COQ6: variants seen among roughly 807,000 people sequenced by gnomAD.
The protein encoded by COQ6 is ubiquinone biosynthesis monooxygenase COQ6, mitochondrial.
In COQ6, 45 loss-of-function variants were observed where a neutral mutation model predicts 55.5. The observed-to-expected ratio is 0.81, with a 90% CI of 0.64 to 1.04. COQ6 has a LOEUF of 1.04. Among genes scored for constraint, COQ6 ranks in the 50% least tolerant of loss-of-function variants. The pLI, the probability that COQ6 is intolerant of heterozygous loss-of-function variation, is 0.00. For synonymous variants in COQ6, 206 were observed against 230.5 expected (o/e 0.89, Z 0.96); for missense variants, 550 against 601.3 (o/e 0.91, Z 0.89).
chr14:73,950,100 GC>G, upstream of COQ6: 1 of 1,603,772 alleles, frequency 6.2e-7, no homozygotes, highest in Non-Finnish European at 8.5e-7. Flanking sequence ...GCTATGCGGG[GC>G]CAGGGTCCAC....
intron 1 of COQ6, 68 bp downstream of exon 1, chr14:73,950,563 G>C (rs1037963843): frequency 6.5e-7 from 1 of 1,527,596 alleles, no homozygotes; most frequent in African/African-American, 1.4e-5. Flanking sequence ...AGCCGTGAGA[G>C]CCCTAGCACG....
At position 73,961,210 on chromosome 14, in the gene COQ6, C is replaced by T. The variant is rs993695953; in HGVS notation, c.929C>T (p.Ala310Val). ...GACCACACGGACTTCATCGACACAG[C>T]TGGTGCCATGCTGCAGTATGCTGTC... ...DADHTDFIDT[A>V]GAMLQYAVSL... Residue 310 changes from alanine to valine, a missense_variant, in exon 9 of 12, where the codon GCT becomes GTT. By Grantham distance (64) the Ala-to-Val change is moderately conservative. Transcript: ENST00000334571. 6.2e-7 allele frequency: 1 copy of T among 1,614,032 alleles called. No individual in the cohort carries two copies. The highest frequency in any genetic ancestry group is 8.5e-7 in the Non-Finnish European group (1 of 1,179,976).
At position 73,960,080 on chromosome 14, in the gene COQ6, T is replaced by C. The variant is rs1031665687; in HGVS notation, c.891+558T>C. The C allele has an allele frequency of 6.0e-6, 6 of 1,002,078 alleles. No individual in the cohort carries two copies. In the African/African-American group the frequency reaches 8.7e-5, roughly 15 times the overall value. The allele number at this position is 1,002,078 out of a possible 1,614,324, so 62.1% of individuals were successfully genotyped here. A position where few individuals can be genotyped will look rare whatever the true frequency, so the allele number is the denominator to read the frequency against. On this transcript the variant is annotated intron_variant, in intron 8 of 11. Coordinates refer to ENST00000334571, the MANE Select transcript of COQ6 (RefSeq NM_182476.3). ...TGGGTGGTGGTTAGCATTGGCCTTT[T>C]TTTGAAGCTGTAACACTTGGATTAT...
At chr14:73,950,045 GCAGCGACAGTGA>G, upstream of COQ6, 3 of 1,610,826 alleles carry the variant, frequency 1.9e-6, no homozygotes, top group East Asian at 2.2e-5. Context: ...GACAGAGGCA[GCAGCGACAGTGA>G]CAGCGATAGT....
intron 1 of COQ6, among the ~76,000 whole-genome samples, chr14:73,951,933 G>A (rs1168812433): frequency 3.8e-5 from 5 of 132,486 alleles, no homozygotes; most frequent in African/African-American, 1.1e-4. Context: ...AGCTGAGATC[G>A]CGCCACTGCA....
At chr14:73,959,735 A>G in intron 8 of COQ6, 1 of 1,158,272 alleles carries the variant, frequency 8.6e-7, no homozygotes, top group Non-Finnish European at 1.2e-6. Flanking sequence ...ATGCCCAGCT[A>G]ATTTTTCTAT....
At chr14:73,949,946 CG>C (rs761431020), upstream of COQ6, 281 of 1,612,160 alleles carry the variant, frequency 1.7e-4, no homozygotes, top group Non-Finnish European at 2.3e-4. Flanking sequence ...ATTCCTTTCC[CG>C]GGGGCAGTCT....
Position 73,959,148 on chromosome 14 carries a change from CCT to C in COQ6, c.721-9_721-8del. ...AGGTACTTCACAGAGAAACTTTTCT[CCT>C]CTCTGTTGCAGGCCACAGAAAACAA... On this transcript the variant is annotated splice_polypyrimidine_tract_variant and intron_variant, in intron 6 of 11. Transcript: ENST00000334571. The C allele has an allele frequency of 1.2e-6, 2 of 1,614,186 alleles. No individual in the cohort carries two copies. Among genetic ancestry groups the C allele is most frequent in the Non-Finnish European group, 8.5e-7 (1 of 1,180,036 alleles).
At chr14:73,950,945 G>T (rs2056166414) in intron 1 of COQ6, among the ~76,000 whole-genome samples, 1 of 152,192 alleles carries the variant, frequency 6.6e-6, no homozygotes, top group South Asian at 2.1e-4. Context: ...TGCCTATTCA[G>T]ACCCTTTGCC....
chr14:73,959,203 TG>T lies in COQ6; in HGVS notation c.765del (p.Pro256LeufsTer11). On this transcript the variant is annotated frameshift_variant, in exon 7 of 12. Transcript: ENST00000334571. LOFTEE classifies it high-confidence loss of function. The stretch of plus-strand genomic sequence containing the variant: ...TAGCCTGGCAGAGATTTCTTCCCTC[TG>T]GGCCTATTGCTCTGCTCCCGGTAAG... ...NVAWQRFLPSGPIALLPLSDT... is the reference protein window; with the variant it reads ...NVAWQRFLPSXPIALLPLSDT... 1 of 1,614,246 alleles carries T rather than the reference TG, an allele frequency of 6.2e-7. No homozygotes were observed.
chr14:73,954,776 G>A (rs1193687363), intron 2 of COQ6, among the ~76,000 whole-genome samples: 6 of 147,358 alleles, frequency 4.1e-5, no homozygotes, highest in African/African-American at 1.2e-4. Context: ...CCCGGGAGGC[G>A]GAGCTTGCAG....
At chr14:73,957,789 C>G (rs2056512218) in intron 4 of COQ6, among the ~76,000 whole-genome samples, 1 of 152,084 alleles carries the variant, frequency 6.6e-6, no homozygotes, top group African/African-American at 2.4e-5. Flanking sequence ...GGAAGAAAAT[C>G]TTTTGTAGTC....
chr14:73,958,098 T>G (rs1317734454), intron 4 of COQ6, 49 bp from the exon 5 acceptor site: 1 of 1,481,630 alleles, frequency 6.7e-7, no homozygotes. Context: ...TTCCTCAGCC[T>G]ATGTGGCCCA....
chr14:73,955,544 C>G, intron 3 of COQ6, 35 bp downstream of exon 3: 1 of 1,587,846 alleles, frequency 6.3e-7, no homozygotes, highest in Non-Finnish European at 8.7e-7. Flanking sequence ...GTCAAGATGT[C>G]TTGGTCTGTC....
chr14:73,960,901 G>A, intron 8 of COQ6: 1 of 543,078 alleles, frequency 1.8e-6, no homozygotes, highest in Non-Finnish European at 3.3e-6. Context: ...ACTGTGGCTG[G>A]TGCGTGGTTA....
At position 73,961,723 on chromosome 14, in the gene COQ6, C is replaced by A; in HGVS notation, c.1211-14C>A. On this transcript the variant is annotated splice_polypyrimidine_tract_variant and intron_variant, in intron 10 of 11. Transcript: ENST00000334571. ...TTATTGGATTAGGGATTTAATCTTT[C>A]CTCTGCCCTTCAGGTTCCGTGAGCC... The A allele has an allele frequency of 6.2e-7, 1 of 1,614,050 alleles. No homozygotes were observed. The highest frequency in any genetic ancestry group is 1.1e-5 in the South Asian group (1 of 91,078).
intron 2 of COQ6, among the ~76,000 whole-genome samples, chr14:73,954,944 T>TA (rs1194653177): frequency 2.2e-5 from 3 of 135,156 alleles, no homozygotes; most frequent in East Asian, 2.1e-4. Context: ...GTCTTTTTTT[T>TA]TTTTATTTTA....
intron 11 of COQ6, 25 bp downstream of exon 11, chr14:73,961,928 CTT>C: frequency 9.9e-6 from 16 of 1,613,384 alleles, no homozygotes; most frequent in Non-Finnish European, 1.4e-5. Context: ...AGAGGAATGA[CTT>C]TGCAAACAGC....
At chr14:73,951,375 CTTT>C (rs149145286) in intron 1 of COQ6, among the ~76,000 whole-genome samples, 2 of 150,054 alleles carry the variant, frequency 1.3e-5, no homozygotes, top group South Asian at 2.1e-4. Context: ...AGTCTTTTCA[CTTT>C]TTTTTTTTTC....
Sources: allele counts gnomAD v4.1 joint callset (sites outside exome capture counted in the v4.1 genomes callset), GRCh38; gene constraint gnomAD v4.1.1; transcripts MANE v1.5; gene names NCBI Gene and HGNC (gene_info 2026-07-23, HGNC 2026-07-21).